SLC12A8: variants seen among roughly 807,000 people sequenced by gnomAD.
SLC12A8 encodes the protein cation-chloride cotransporter 9.
A neutral mutation model predicts 75.6 loss-of-function variants in SLC12A8; 69 were observed. The ratio of observed to expected loss-of-function variants is 0.91; its 90% CI spans 0.75 to 1.11. SLC12A8 has a LOEUF of 1.11. SLC12A8 is among the 50% of genes most tolerant of loss of function. The pLI, the probability that SLC12A8 is intolerant of heterozygous loss-of-function variation, is 0.00. For synonymous variants in SLC12A8, 365 were observed against 372.8 expected (o/e 0.98, Z 0.24); for missense variants, 877 against 896.7 (o/e 0.98, Z 0.28).
chr3:125,157,814 A>G (rs1934081854), intron 5 of SLC12A8, among the ~76,000 whole-genome samples: 1 of 152,210 alleles, frequency 6.6e-6, no homozygotes, highest in Non-Finnish European at 1.5e-5. Context: ...TGCAACTTGC[A>G]TATTTTCCTT....
chr3:125,196,327 G>A (rs995411276), intron 2 of SLC12A8, among the ~76,000 whole-genome samples: 3 of 152,110 alleles, frequency 2.0e-5, no homozygotes, highest in African/African-American at 4.8e-5. Flanking sequence ...TATCACATTC[G>A]AAAACAAAAA....
chr3:125,094,090 T>C (rs1938652317), intron 10 of SLC12A8, among the ~76,000 whole-genome samples: 1 of 152,220 alleles, frequency 6.6e-6, no homozygotes, highest in Non-Finnish European at 1.5e-5. Context: ...TAGCTGCACT[T>C]GCGGTGTGTC....
chr3:125,138,646 G>A (rs963508780), intron 5 of SLC12A8, among the ~76,000 whole-genome samples: 15 of 152,092 alleles, frequency 9.9e-5, no homozygotes, highest in African/African-American at 3.6e-4. Context: ...ACTAACTGTG[G>A]TTGTTTGTAT....
chr3:125,087,500 G>T (rs1026337025), intron 13 of SLC12A8, among the ~76,000 whole-genome samples: 1 of 152,166 alleles, frequency 6.6e-6, no homozygotes, highest in East Asian at 1.9e-4. Flanking sequence ...GAACATGCAG[G>T]GTGGAAATAT....
chr3:125,095,039 G>A (rs570375128), intron 10 of SLC12A8, among the ~76,000 whole-genome samples: 2 of 152,084 alleles, frequency 1.3e-5, no homozygotes, highest in South Asian at 2.1e-4. Flanking sequence ...TGAAAATATT[G>A]GAGTATTCCA....
At chr3:125,113,399 A>G (rs1347852340) in intron 8 of SLC12A8, among the ~76,000 whole-genome samples, 1 of 152,244 alleles carries the variant, frequency 6.6e-6, no homozygotes, top group Non-Finnish European at 1.5e-5. Context: ...TAGATAAATT[A>G]TAAAAACTTC....
intron 9 of SLC12A8, among the ~76,000 whole-genome samples, chr3:125,109,445 G>C (rs1434461851): frequency 6.6e-6 from 1 of 152,138 alleles, no homozygotes; most frequent in Non-Finnish European, 1.5e-5. Flanking sequence ...GAAGATAAAG[G>C]AAGAAATCAA....
In SLC12A8 at chr3:125,135,718, C is replaced by T. The variant is rs143771154; in HGVS notation, c.687G>A (p.Pro229=). The part of the protein sequence containing the change: ...LQNNTLPDYS[P]GESFFTVFGV... ...CAAAGACAGTGAAAAAAGATTCCCC[C>T]GGGCTGTAATCGGGCAGCGTGTTGT... The change falls in exon 6 of 14, where the codon CCG becomes CCA. Residue 229 remains proline (P), a synonymous_variant. Coordinates refer to ENST00000469902, the MANE Select transcript of SLC12A8 (RefSeq NM_024628.6). 8.1e-6 allele frequency: 13 copies of T among 1,610,024 alleles called. No individual in the cohort carries two copies. In the East Asian group the frequency reaches 8.9e-5, roughly 11 times the overall value.
At chr3:125,118,100 A>G (rs765490026) in intron 8 of SLC12A8, among the ~76,000 whole-genome samples, 5 of 152,240 alleles carry the variant, frequency 3.3e-5, no homozygotes, top group African/African-American at 4.8e-5. Context: ...GTGGAAGGTG[A>G]AGCTATTAGC....
At chr3:125,137,118 T>G (rs560534334) in intron 5 of SLC12A8, among the ~76,000 whole-genome samples, 28 of 152,302 alleles carry the variant, frequency 1.8e-4, no homozygotes, top group African/African-American at 6.7e-4. Context: ...GGAGCTTAAT[T>G]ACAGCCCAAG....
intron 2 of SLC12A8, among the ~76,000 whole-genome samples, chr3:125,207,023 A>G (rs1579548731): frequency 6.6e-6 from 1 of 152,204 alleles, no homozygotes; most frequent in Non-Finnish European, 1.5e-5. Context: ...ACACAGATAC[A>G]AACCATGAGA....
chr3:125,156,772 G>A (rs777569514), intron 5 of SLC12A8, among the ~76,000 whole-genome samples: 12 of 152,138 alleles, frequency 7.9e-5, no homozygotes, highest in South Asian at 2.1e-4. Flanking sequence ...TTGCAACCAC[G>A]TTTGAAGGGC....
At chr3:125,168,434 C>T (rs1279196773) in intron 5 of SLC12A8, among the ~76,000 whole-genome samples, 3 of 152,042 alleles carry the variant, frequency 2.0e-5, no homozygotes, top group Non-Finnish European at 4.4e-5. Flanking sequence ...CAGGAGCTGG[C>T]GATATGAGAG....
rs1293257842 is a variant in SLC12A8, at chr3:125,082,919, A to T, written c.*971T>A. ...CAAATGGCATATGAATTGATATGAA[A>T]TGTCTCCAAGATAGATTGTTAAGGG... On this transcript the variant is annotated 3_prime_UTR_variant, in exon 14 of 14. Transcript: ENST00000469902. 6.6e-6 allele frequency: 1 copy of T among 152,234 alleles called. No individual in the cohort carries two copies. The highest frequency in any genetic ancestry group is 2.4e-5 in the African/African-American group (1 of 41,470). 9.4% of individuals were successfully genotyped at this position (152,234 alleles called of 1,614,324 possible).
Position 125,092,190 on chromosome 3 carries a change from G to A in SLC12A8, c.1714C>T (p.Leu572=), listed in dbSNP as rs1438712871. ...TCTTGTTCTTGGAGCCTGGACTTCA[G>A]GAAGAAATCTAAAAAATAGCCAAAG... ...QSESSGEDFF[L]KSRLQEQDVW... The change falls in exon 11 of 14, where the codon CTG becomes TTG. Residue 572 remains leucine (L), a synonymous_variant. Coordinates refer to ENST00000469902, the MANE Select transcript of SLC12A8 (RefSeq NM_024628.6). 1 of 1,611,606 alleles carries A rather than the reference G, an allele frequency of 6.2e-7. No individual in the cohort carries two copies. Among genetic ancestry groups the A allele is most frequent in the Non-Finnish European group, 8.5e-7 (1 of 1,178,242 alleles).
intron 6 of SLC12A8, among the ~76,000 whole-genome samples, chr3:125,134,904 A>C (rs1933450978): frequency 6.6e-6 from 1 of 152,268 alleles, no homozygotes; most frequent in Non-Finnish European, 1.5e-5. Flanking sequence ...TCTCTTGATC[A>C]AGAGTGAAAT....
chr3:125,152,677 A>G (rs773409323), intron 5 of SLC12A8, among the ~76,000 whole-genome samples: 2 of 152,168 alleles, frequency 1.3e-5, no homozygotes, highest in Non-Finnish European at 2.9e-5. Context: ...TACTTTGGAC[A>G]TATTATTTCT....
chr3:125,202,862 C>T (rs372302862), intron 2 of SLC12A8, among the ~76,000 whole-genome samples: 8 of 151,824 alleles, frequency 5.3e-5, no homozygotes, highest in African/African-American at 9.7e-5. Context: ...CCAAGGCGGG[C>T]GGATCACCTG....
intron 5 of SLC12A8, among the ~76,000 whole-genome samples, chr3:125,175,637 T>A (rs13074637): frequency 2.6e-5 from 4 of 151,668 alleles, no homozygotes; most frequent in Non-Finnish European, 4.4e-5. Context: ...GAGGGGGAAG[T>A]ACAAGGAATC....
Sources: gnomAD v4.1 joint callset for allele counts (sites outside exome capture counted in the v4.1 genomes callset) on GRCh38, gnomAD v4.1.1 for gene constraint, MANE v1.5 for transcripts, NCBI Gene and HGNC (gene_info 2026-07-23, HGNC 2026-07-21) for gene names.